PSG2: variants seen among roughly 807,000 people sequenced by gnomAD.
PSG2 encodes pregnancy specific beta-1-glycoprotein 2.
PSG2 carries 49 observed loss-of-function variants against 36.2 expected under a neutral mutation model. The ratio of observed to expected loss-of-function variants is 1.35; its 90% CI spans 1.08 to 1.72. The LOEUF is 1.72. Among genes scored for constraint, PSG2 ranks in the 40% most tolerant of loss-of-function variants. The pLI, the probability that PSG2 is intolerant of heterozygous loss-of-function variation, is 0.00. For missense variants in PSG2, 605 were observed against 407.2 expected, an observed-to-expected ratio of 1.49 and a Z score of -4.18; for synonymous variants, 261 against 155.6, an observed-to-expected ratio of 1.68 and a Z score of -5.04.
At chr19:43,065,893 G>A (rs1270852557) in intron 5 of PSG2, 3 of 152,180 alleles carry the variant, frequency 2.0e-5, no homozygotes, top group Non-Finnish European at 4.4e-5. Flanking sequence ...ATTTCACTCT[G>A]TTTTTAGACA....
chr19:43,082,465 T>G (rs1806848), intron 1 of PSG2, 41 bp downstream of exon 1: 511,743 of 1,592,568 alleles, frequency 0.32, 90,306 homozygotes, highest in African/African-American at 0.61. Flanking sequence ...CAGTCACTCT[T>G]CTTCCTCCTC....
chr19:43,068,338 C>A (rs769817847), intron 4 of PSG2, among the ~76,000 whole-genome samples: 21 of 151,092 alleles, frequency 1.4e-4, no homozygotes, highest in Non-Finnish European at 2.4e-4. Flanking sequence ...TCTTGAGAGG[C>A]TGAAGAAGGA....
intron 4 of PSG2, among the ~76,000 whole-genome samples, chr19:43,066,935 T>C (rs565308317): frequency 2.3e-4 from 35 of 151,574 alleles, no homozygotes; most frequent in Non-Finnish European, 2.6e-4. Context: ...TTCTCGGTGT[T>C]TCTGTTGTGG....
In PSG2 at chr19:43,071,954, T is replaced by A. The variant is rs768355913; in HGVS notation, c.710A>T (p.His237Leu). 9 of 1,611,982 alleles carry A rather than the reference T, an allele frequency of 5.6e-6. No homozygotes were observed. Among genetic ancestry groups the A allele is most frequent in the Non-Finnish European group, 7.6e-6 (9 of 1,179,000 alleles). Residue 237 changes from histidine to leucine, a missense_variant and splice_region_variant, in exon 4 of 6, where the codon CAT (histidine) becomes CTT (leucine). His to Leu is a moderately conservative substitution (Grantham distance 99). Transcript: ENST00000406487. Reference sequence around the variant, plus strand: ...GTGAATTCTGGGGAGGTCTGGACCATCTGGAGCAAAGAGAATAAAGCCACA... The same window carrying A: ...GTGAATTCTGGGGAGGTCTGGACCAACTGGAGCAAAGAGAATAAAGCCACA... ...RSDPVTLNLL[H>L]GPDLPRIHPS...
At chr19:43,075,955 A>C (rs1014651951) in intron 2 of PSG2, among the ~76,000 whole-genome samples, 1 of 151,452 alleles carries the variant, frequency 6.6e-6, no homozygotes, top group Non-Finnish European at 1.5e-5. Flanking sequence ...TGCCTGGCCC[A>C]CCTTGTGGTC....
chr19:43,072,410 C>A, intron 3 of PSG2: 1 of 1,612,576 alleles, frequency 6.2e-7, no homozygotes, highest in East Asian at 2.2e-5. Flanking sequence ...CCGTATTTCA[C>A]ATTCATAGGG....
chr19:43,067,228 T>C (rs1266190054), intron 4 of PSG2, among the ~76,000 whole-genome samples: 10 of 151,476 alleles, frequency 6.6e-5, no homozygotes, highest in Non-Finnish European at 4.4e-5. Flanking sequence ...CTCTGCATAG[T>C]GGTCTGTGGG....
Position 43,066,583 on chromosome 19 carries a change from G to A in PSG2, c.982C>T (p.Leu328Phe), listed in dbSNP as rs768744456. The A allele has an allele frequency of 3.1e-6, 5 of 1,601,606 alleles. No individual in the cohort carries two copies. In the Admixed American group the frequency reaches 6.7e-5, roughly 21 times the overall value. ...VKVSASTRIGLLPLLNPT is the reference protein window; with the variant it reads ...VKVSASTRIGFLPLLNPT Reference sequence around the variant, plus strand: ...TATGTTGGATTAAGGAGAGGAAGAAGTCCTATTCTTGTAGAAGCTGTCATG... The same window carrying A: ...TATGTTGGATTAAGGAGAGGAAGAAATCCTATTCTTGTAGAAGCTGTCATG... The change falls in exon 5 of 6, where the codon CTT becomes TTT. Residue 328 changes from leucine to phenylalanine, a missense_variant. By Grantham distance (22) the Leu-to-Phe change is conservative. Transcript: ENST00000406487.
At chr19:43,071,066 C>G (rs1416084210) in intron 4 of PSG2, among the ~76,000 whole-genome samples, 1 of 151,584 alleles carries the variant, frequency 6.6e-6, no homozygotes, top group African/African-American at 2.4e-5. Flanking sequence ...CTTCTCTTCT[C>G]ATTTCCCTGC....
intron 1 of PSG2, chr19:43,082,214 C>T (rs1487755551): frequency 1.7e-5 from 5 of 297,112 alleles, no homozygotes; most frequent in African/African-American, 2.5e-5. Flanking sequence ...TATCTCGGCA[C>T]GCTGCAACTT....
chr19:43,070,247 G>A (rs766752166), intron 4 of PSG2, among the ~76,000 whole-genome samples: 12 of 151,748 alleles, frequency 7.9e-5, no homozygotes, highest in Non-Finnish European at 1.3e-4. Context: ...GTGCATTGCT[G>A]ATGGGAATGG....
chr19:43,082,274 G>A, intron 1 of PSG2: 8 of 572,992 alleles, frequency 1.4e-5, no homozygotes, highest in Admixed American at 6.7e-5. Flanking sequence ...CTGAGTAGCT[G>A]GAATTACAGG....
chr19:43,073,534 A>G (rs1967848935), intron 3 of PSG2, among the ~76,000 whole-genome samples: 1 of 151,742 alleles, frequency 6.6e-6, no homozygotes, highest in African/African-American at 2.4e-5. Context: ...ATATGAGACA[A>G]ATTTGGAGAG....
rs1215861427 is a variant in PSG2, at chr19:43,066,698, G to A, written c.965-98C>T. On this transcript the variant is annotated intron_variant, in intron 4 of 5. Transcript: ENST00000406487. Reference sequence around the variant, plus strand: ...ATGTAACATGAGGTACTCTATAATTGTTTCTTCAAGGACCACATTATTTCT... The same window carrying A: ...ATGTAACATGAGGTACTCTATAATTATTTCTTCAAGGACCACATTATTTCT... The A allele has an allele frequency of 4.3e-6, 6 of 1,407,828 alleles. No individual in the cohort carries two copies. In the African/African-American group the frequency reaches 5.8e-5, roughly 14 times the overall value. 87.2% of individuals were successfully genotyped at this position (1,407,828 alleles called of 1,614,324 possible). A position where few individuals can be genotyped will look rare whatever the true frequency, so the allele number is the denominator to read the frequency against.
In PSG2 at chr19:43,068,859, T is replaced by C. The variant is rs1057483172; in HGVS notation, c.965-2259A>G. 1.5e-4 allele frequency among the ~76,000 whole-genome samples: 22 copies of C among 151,592 alleles called. 1 individual carries two copies. The highest frequency in any genetic ancestry group is 5.1e-4 in the African/African-American group (21 of 41,044). ...TTTTATTCAACATAGTGTTGAAAGG[T>C]CTAGTCAGAAAAATTAGGCAAGAAT... On this transcript the variant is annotated intron_variant, in intron 4 of 5. Coordinates refer to ENST00000406487, the MANE Select transcript of PSG2 (RefSeq NM_031246.4).
chr19:43,070,202 G>A (rs1967796538), intron 4 of PSG2, among the ~76,000 whole-genome samples: 1 of 151,588 alleles, frequency 6.6e-6, no homozygotes, highest in African/African-American at 2.4e-5. Flanking sequence ...CAAAACAACA[G>A]GTGTTTTCAA....
rs370418242 is a variant in PSG2, at chr19:43,069,594, A to C, written c.964+2106T>G. 8.6e-4 allele frequency among the ~76,000 whole-genome samples: 130 copies of C among 151,848 alleles called. 4 individuals carry two copies. The highest frequency in any genetic ancestry group is 2.8e-3 in the African/African-American group (115 of 41,244). ...GATTTTCATCGAGTGTGCCAAGATCATTCAATGGGGAAGGGACAGTGTTCT... is the reference window on the plus strand; with the variant it reads ...GATTTTCATCGAGTGTGCCAAGATCCTTCAATGGGGAAGGGACAGTGTTCT... On this transcript the variant is annotated intron_variant, in intron 4 of 5. Transcript: ENST00000406487.
intron 4 of PSG2, 111 bp downstream of exon 4, chr19:43,071,589 T>C: frequency 1.2e-6 from 2 of 1,609,556 alleles, no homozygotes; most frequent in South Asian, 1.1e-5. Flanking sequence ...TGGGATTTGC[T>C]TTTGCCCATG....
At chr19:43,079,282 C>G (rs574131094) in intron 2 of PSG2, among the ~76,000 whole-genome samples, 7 of 151,424 alleles carry the variant, frequency 4.6e-5, no homozygotes, top group Middle Eastern at 3.4e-3. Flanking sequence ...CAGTCCAGAA[C>G]CAAGGAGCCC....
Sources: allele counts gnomAD v4.1 joint callset (sites outside exome capture counted in the v4.1 genomes callset), GRCh38; gene constraint gnomAD v4.1.1; transcripts MANE v1.5; gene names NCBI Gene and HGNC (gene_info 2026-07-23, HGNC 2026-07-21).